Variants in TMEM117 observed in about 807,000 individuals in gnomAD.
TMEM117 encodes transmembrane protein 117.
Under a neutral mutation model 52.4 loss-of-function variants are expected in TMEM117, and 27 were observed. That is an observed-to-expected ratio of 0.51 (90% CI 0.38 to 0.71). The LOEUF (loss-of-function observed/expected upper bound fraction) is 0.71. TMEM117 is among the 30% of genes least tolerant of loss of function. The pLI is 0.00. For missense variants in TMEM117, 556 were observed against 630.5 expected, an observed-to-expected ratio of 0.88 and a Z score of 1.26; for synonymous variants, 215 against 206.3, an observed-to-expected ratio of 1.04 and a Z score of -0.36.
chr12:43,823,323 G>A, the TMEM117 span, among the ~76,000 whole-genome samples: 1 of 152,082 alleles, frequency 6.6e-6, no homozygotes, highest in Non-Finnish European at 1.5e-5. Context: ...GATAGAAAAG[G>A]TAGCAAAGTA....
chr12:44,201,766 G>T (rs1949498692), intron 4 of TMEM117, among the ~76,000 whole-genome samples: 1 of 152,128 alleles, frequency 6.6e-6, no homozygotes, highest in African/African-American at 2.4e-5. Context: ...CAATTTGGTT[G>T]TAGGCTATAT....
chr12:43,942,961 G>A (rs898716219), intron 2 of TMEM117, among the ~76,000 whole-genome samples: 2 of 151,726 alleles, frequency 1.3e-5, no homozygotes, highest in African/African-American at 2.4e-5. Context: ...GGCAGATCAC[G>A]AGGTCAGGAG....
intron 2 of TMEM117, among the ~76,000 whole-genome samples, chr12:43,940,978 A>G (rs1040749586): frequency 2.0e-5 from 3 of 152,218 alleles, no homozygotes; most frequent in African/African-American, 7.2e-5. Context: ...ACTTTAGCCA[A>G]CATTCATAAT....
At chr12:43,934,751 A>T (rs1312772499) in intron 2 of TMEM117, among the ~76,000 whole-genome samples, 1 of 152,206 alleles carries the variant, frequency 6.6e-6, no homozygotes, top group East Asian at 1.9e-4. Flanking sequence ...ATAAGAGATG[A>T]TAACCATCTG....
intron 3 of TMEM117, among the ~76,000 whole-genome samples, chr12:43,990,262 C>T (rs1565782911): frequency 6.6e-6 from 1 of 152,134 alleles, no homozygotes; most frequent in East Asian, 1.9e-4. Context: ...TAGATGAGCA[C>T]AGGAATTGAG....
intron 6 of TMEM117, among the ~76,000 whole-genome samples, chr12:44,344,297 C>A (rs1206576516): frequency 2.0e-5 from 3 of 152,090 alleles, no homozygotes; most frequent in Non-Finnish European, 4.4e-5. Flanking sequence ...CAAGTAAAGA[C>A]TGAACAGACA....
Position 43,944,461 on chromosome 12 carries a change from GA to G in TMEM117, c.410+121del, listed in dbSNP as rs564115116. 1.4e-4 allele frequency: 135 copies of G among 946,658 alleles called. 1 individual carries two copies. In the African/African-American group the frequency reaches 2.1e-3, roughly 15 times the overall value. The allele number at this position is 946,658 out of a possible 1,614,324, so 58.6% of individuals were successfully genotyped here. A position where few individuals can be genotyped will look rare whatever the true frequency, so the allele number is the denominator to read the frequency against. ...CTTTACAAATATTCTACCCTAAGAA[GA>G]AGGAGTATTTTATGTATTTTTCTTA... On this transcript the variant is annotated intron_variant, in intron 3 of 7. Coordinates refer to ENST00000266534, the MANE Select transcript of TMEM117 (RefSeq NM_032256.3).
chr12:44,396,861 A>AAAG, the TMEM117 span, among the ~76,000 whole-genome samples: 3 of 151,544 alleles, frequency 2.0e-5, no homozygotes, highest in African/African-American at 7.3e-5. Context: ...AAAAAAAAAA[A>AAAG]AAAGAAAGAA....
chr12:43,996,076 G>C (rs1425252651), intron 3 of TMEM117, among the ~76,000 whole-genome samples: 3 of 152,082 alleles, frequency 2.0e-5, no homozygotes, highest in Non-Finnish European at 2.9e-5. Context: ...AATGACAACA[G>C]AAATCTTTTA....
rs142042890 is a variant in TMEM117 at position 44,286,404 on chromosome 12, G to A, written c.609-13176G>A. ...GATAGAAAAAAATCGTCAAATTTTG[G>A]CAATCAGCTTATATTAGGTAATTCT... On this transcript the variant is annotated intron_variant, in intron 5 of 7. Coordinates refer to ENST00000266534, the MANE Select transcript of TMEM117 (RefSeq NM_032256.3). 2.0e-3 allele frequency among the ~76,000 whole-genome samples: 303 copies of A among 151,680 alleles called. 1 individual carries two copies. The highest frequency in any genetic ancestry group is 3.5e-3 in the Non-Finnish European group (237 of 67,872).
chr12:44,389,709 G>A lies in TMEM117; in HGVS notation c.*1037G>A, dbSNP rs546510073. 3.3e-5 allele frequency: 5 copies of A among 152,532 alleles called. No individual in the cohort carries two copies. The South Asian group carries it at 1.0e-3, about 32-fold the overall frequency. 9.4% of individuals were successfully genotyped at this position (152,532 alleles called of 1,614,324 possible). ...TTTTGCGTATGTGTTTTTTGTTTTT[G>A]TTTTTTAAGAACTAAATATTGCACA... On this transcript the variant is annotated 3_prime_UTR_variant, in exon 8 of 8. Coordinates refer to ENST00000266534, the MANE Select transcript of TMEM117 (RefSeq NM_032256.3).
the TMEM117 span, among the ~76,000 whole-genome samples, chr12:43,796,726 A>T: frequency 6.6e-6 from 1 of 152,090 alleles, no homozygotes; most frequent in Admixed American, 6.6e-5. Context: ...GGCTAGTGGA[A>T]TTAAGAAACA....
rs1030340786 is a variant in TMEM117, at chr12:43,836,123, C to A, written c.-102C>A. On this transcript the variant is annotated 5_prime_UTR_variant, in exon 1 of 8. Transcript: ENST00000266534. ...GTCTCGCCGCGCTTCCCAGCGAGGC[C>A]GCCGGCGCGCCGAGGGCTGTGCTCG... 1 of 151,970 alleles carries A rather than the reference C, an allele frequency of 6.6e-6. No homozygotes were observed. Among genetic ancestry groups the A allele is most frequent in the African/African-American group, 2.4e-5 (1 of 41,404 alleles). The allele number at this position is 151,970 out of a possible 1,614,324, so 9.4% of individuals were successfully genotyped here. A position where few individuals can be genotyped will look rare whatever the true frequency, so the allele number is the denominator to read the frequency against.
At chr12:43,896,257 A>T (rs1944200291) in intron 2 of TMEM117, among the ~76,000 whole-genome samples, 1 of 152,204 alleles carries the variant, frequency 6.6e-6, no homozygotes, top group Non-Finnish European at 1.5e-5. Context: ...CCTTACCCTC[A>T]GGAGGTTCTC....
intron 4 of TMEM117, among the ~76,000 whole-genome samples, chr12:44,152,447 T>C (rs1315278995): frequency 2.6e-5 from 3 of 116,154 alleles, no homozygotes; most frequent in South Asian, 2.8e-4. Context: ...ATTTATATAA[T>C]ATAAAAATTT....
At chr12:44,390,582 CAAACTT>C (rs1952156618), downstream of TMEM117, among the ~76,000 whole-genome samples, 1 of 151,676 alleles carries the variant, frequency 6.6e-6, no homozygotes, top group African/African-American at 2.4e-5. Flanking sequence ...AAAAAAATAA[CAAACTT>C]AGAACAACAT....
At chr12:44,299,128 A>ATTT (rs375671360) in intron 5 of TMEM117, among the ~76,000 whole-genome samples, 12 of 125,416 alleles carry the variant, frequency 9.6e-5, no homozygotes, top group African/African-American at 2.6e-4. Flanking sequence ...AAGGCATTTA[A>ATTT]TTTTTTTTTT....
rs544219771 is a variant in TMEM117 at position 43,931,508 on chromosome 12, A to G, written c.278-12702A>G. On this transcript the variant is annotated intron_variant, in intron 2 of 7. Coordinates refer to ENST00000266534, the MANE Select transcript of TMEM117 (RefSeq NM_032256.3). ...GATACTGTTGATATAGTTAGTAACA[A>G]TGATATCAAAAATTATAACTATGTT... Among the ~76,000 whole-genome samples, 77 of 152,356 alleles carry G rather than the reference A, an allele frequency of 5.1e-4. No individual in the cohort carries two copies. In the South Asian group the frequency reaches 9.9e-3, roughly 20 times the overall value.
At chr12:44,048,747 G>T (rs1454221614) in intron 3 of TMEM117, among the ~76,000 whole-genome samples, 1 of 152,192 alleles carries the variant, frequency 6.6e-6, no homozygotes, top group African/African-American at 2.4e-5. Flanking sequence ...CAGCGTGGGT[G>T]TATTTGTCAC....
Sources: allele counts gnomAD v4.1 joint callset (sites outside exome capture counted in the v4.1 genomes callset), GRCh38; gene constraint gnomAD v4.1.1; transcripts MANE v1.5; gene names NCBI Gene and HGNC (gene_info 2026-07-23, HGNC 2026-07-21).